TMEM71: variants seen among roughly 807,000 people sequenced by gnomAD.
TMEM71 encodes transmembrane protein 71.
TMEM71 carries 44 observed loss-of-function variants against 38.0 expected under a neutral mutation model. The ratio of observed to expected loss-of-function variants is 1.16; its 90% CI spans 0.91 to 1.49. The LOEUF (loss-of-function observed/expected upper bound fraction) is 1.49. TMEM71 is among the 40% of genes most tolerant of loss of function. The pLI, the probability that TMEM71 is intolerant of heterozygous loss-of-function variation, is 0.00. For missense variants in TMEM71, 367 were observed against 348.6 expected, an observed-to-expected ratio of 1.05 and a Z score of -0.42; for synonymous variants, 133 against 122.5, an observed-to-expected ratio of 1.09 and a Z score of -0.56.
intron 7 of TMEM71, 64 bp downstream of exon 7, chr8:132,721,976 C>A (rs16904724): frequency 0.05 from 67,894 of 1,371,364 alleles, 5,273 homozygotes; most frequent in African/African-American, 0.35. Flanking sequence ...GCAAGGAAAT[C>A]ATCAATCAGC....
intron 5 of TMEM71, among the ~76,000 whole-genome samples, chr8:132,732,790 C>T (rs997223248): frequency 1.3e-5 from 2 of 152,250 alleles, no homozygotes; most frequent in African/African-American, 4.8e-5. Flanking sequence ...TTTACGTTGT[C>T]ACAACTTGGA....
intron 5 of TMEM71, among the ~76,000 whole-genome samples, chr8:132,732,592 T>A (rs1416374123): frequency 6.6e-6 from 1 of 152,138 alleles, no homozygotes; most frequent in Non-Finnish European, 1.5e-5. Flanking sequence ...AGCATGAGTG[T>A]AACATGAGTT....
At chr8:132,714,084 C>A in intron 8 of TMEM71, 32 bp from the exon 9 acceptor site, 1 of 1,612,626 alleles carries the variant, frequency 6.2e-7, no homozygotes, top group Non-Finnish European at 8.5e-7. Flanking sequence ...ATTTTAAAAT[C>A]ATTTTAAAGT....
chr8:132,724,325 C>T (rs1235745790), intron 6 of TMEM71, among the ~76,000 whole-genome samples: 1 of 152,122 alleles, frequency 6.6e-6, no homozygotes, highest in East Asian at 1.9e-4. Flanking sequence ...ATCTCAACGG[C>T]ATAGGACAGA....
intron 5 of TMEM71, among the ~76,000 whole-genome samples, chr8:132,737,206 T>TA (rs929850346): frequency 6.6e-5 from 10 of 152,274 alleles, no homozygotes; most frequent in Middle Eastern, 3.4e-3. Context: ...GTGACTATAC[T>TA]AAAAAATCGC....
chr8:132,711,638 T>C (rs1826243312), intron 9 of TMEM71, among the ~76,000 whole-genome samples: 1 of 152,206 alleles, frequency 6.6e-6, no homozygotes, highest in African/African-American at 2.4e-5. Flanking sequence ...ATACCTGTGC[T>C]GACCTTCATT....
chr8:132,738,320 A>G (rs1827856686), intron 5 of TMEM71, among the ~76,000 whole-genome samples: 1 of 152,206 alleles, frequency 6.6e-6, no homozygotes, highest in Non-Finnish European at 1.5e-5. Context: ...GCCCTTGGTG[A>G]CTTGCAGAAT....
intron 7 of TMEM71, 99 bp from the exon 8 acceptor site, chr8:132,714,314 A>G (rs1826388202): frequency 1.9e-5 from 17 of 888,026 alleles, no homozygotes; most frequent in Non-Finnish European, 3.1e-5. Flanking sequence ...TTCAAGGTTT[A>G]CTATGAAACT....
At position 132,739,872 on chromosome 8, in the gene TMEM71, A is replaced by G. The variant is rs149589564; in HGVS notation, c.487+7070T>C. ...AAATCTTGTTGAGTCTACCTGTAAG[A>G]CGAATCTGGAATCCTACTTCTCATC... On this transcript the variant is annotated intron_variant, in intron 5 of 9. Coordinates refer to ENST00000677595, the MANE Select transcript of TMEM71 (RefSeq NM_001382403.1). Among the ~76,000 whole-genome samples, 386 of 152,236 alleles carry G rather than the reference A, an allele frequency of 2.5e-3. 2 individuals are homozygous for G. The highest frequency in any genetic ancestry group is 8.8e-3 in the African/African-American group (366 of 41,516).
upstream of TMEM71, among the ~76,000 whole-genome samples, chr8:132,761,082 T>C (rs927995287): frequency 3.2e-4 from 48 of 152,230 alleles, no homozygotes; most frequent in Non-Finnish European, 6.3e-4. Context: ...AAAAACTCTA[T>C]AGATGGCATT....
the TMEM71 span, among the ~76,000 whole-genome samples, chr8:132,771,741 C>T: frequency 1.3e-5 from 2 of 151,996 alleles, no homozygotes; most frequent in African/African-American, 4.8e-5. Flanking sequence ...GAATATAAAC[C>T]TACGAATCAC....
rs73708367 is a variant in TMEM71 at position 132,757,492 on chromosome 8, A to G, written c.41-198T>C. ...ACCAGGGATCTACCGGAAGCAAGAC[A>G]TAAACTAGAGGCTTCTATCTTCTGT... On this transcript the variant is annotated intron_variant, in intron 2 of 9. Coordinates refer to ENST00000677595, the MANE Select transcript of TMEM71 (RefSeq NM_001382403.1). 9.6e-3 allele frequency among the ~76,000 whole-genome samples: 1,459 copies of G among 152,274 alleles called. 22 individuals are homozygous for G. Among genetic ancestry groups the G allele is most frequent in the African/African-American group, 0.033 (1,387 of 41,546 alleles).
At chr8:132,741,013 G>C (rs920523004) in intron 5 of TMEM71, among the ~76,000 whole-genome samples, 3 of 152,130 alleles carry the variant, frequency 2.0e-5, no homozygotes, top group African/African-American at 7.2e-5. Flanking sequence ...AGATAGAATG[G>C]GGAAGCTGGG....
At chr8:132,775,990 C>T in the TMEM71 span, among the ~76,000 whole-genome samples, 1 of 152,200 alleles carries the variant, frequency 6.6e-6, no homozygotes, top group Admixed American at 6.5e-5. Context: ...TTGTCGGTCT[C>T]TATGTCTTCT....
At chr8:132,729,203 G>C (rs1351423901) in intron 5 of TMEM71, among the ~76,000 whole-genome samples, 1 of 152,158 alleles carries the variant, frequency 6.6e-6, no homozygotes, top group African/African-American at 2.4e-5. Flanking sequence ...TTGATTCTTA[G>C]TTTGAGTCAG....
Position 132,751,970 on chromosome 8 carries a change from G to A in TMEM71, c.129C>T (p.Tyr43=). Residue 43 remains tyrosine, a synonymous_variant, in exon 4 of 10, where the codon TAC becomes TAT. Transcript: ENST00000677595. ...CTATGGAGCCGCATTCAAAAGAATG[G>A]TAACCATCCAGGGAATCACAGGTGA... is the stretch of plus-strand genomic sequence containing the variant. The part of the protein sequence containing the change: ...PSFTCDSLDG[Y]HSFECGSIDP... 6.2e-7 allele frequency: 1 copy of A among 1,614,070 alleles called. No individual in the cohort carries two copies. Among genetic ancestry groups the A allele is most frequent in the East Asian group, 2.2e-5 (1 of 44,880 alleles).
chr8:132,755,135 A>G (rs996333317), intron 3 of TMEM71, among the ~76,000 whole-genome samples: 1 of 152,140 alleles, frequency 6.6e-6, no homozygotes, highest in Non-Finnish European at 1.5e-5. Flanking sequence ...CTGGACCTGT[A>G]TTTCTATCTG....
chr8:132,736,237 A>T (rs1210757446), intron 5 of TMEM71, among the ~76,000 whole-genome samples: 4 of 152,158 alleles, frequency 2.6e-5, no homozygotes, highest in African/African-American at 9.7e-5. Context: ...CTTAGAAAAC[A>T]TTGCTTTAGA....
chr8:132,748,352 T>A (rs763394311), intron 4 of TMEM71, among the ~76,000 whole-genome samples: 7 of 152,204 alleles, frequency 4.6e-5, no homozygotes, highest in Non-Finnish European at 8.8e-5. Context: ...TTTGTTAATG[T>A]TACACCAGGG....
Sources: gnomAD v4.1 joint callset for allele counts (sites outside exome capture counted in the v4.1 genomes callset) on GRCh38, gnomAD v4.1.1 for gene constraint, MANE v1.5 for transcripts, NCBI Gene and HGNC (gene_info 2026-07-23, HGNC 2026-07-21) for gene names.